The following CDH18 variants were observed in gnomAD, a reference collection of about 807,000 sequenced individuals.
The protein encoded by CDH18 is cadherin 18, also known as cadherin-18.
Under a neutral mutation model 67.9 loss-of-function variants are expected in CDH18, and 31 were observed. That is an observed-to-expected ratio of 0.46 (90% CI 0.34 to 0.62). CDH18 has a LOEUF of 0.62. Ranked by LOEUF, CDH18 falls within the 20% of genes least tolerant of loss-of-function variation. The pLI, the probability that CDH18 is intolerant of heterozygous loss-of-function variation, is 0.01. For synonymous variants in CDH18, 362 were observed against 347.2 expected, an observed-to-expected ratio of 1.04 and a Z score of -0.48; for missense variants, 890 against 975.5, an observed-to-expected ratio of 0.91 and a Z score of 1.17.
intron 1 of CDH18, among the ~76,000 whole-genome samples, chr5:20,500,800 T>C (rs1344848501): frequency 6.6e-6 from 1 of 152,166 alleles, no homozygotes; most frequent in African/African-American, 2.4e-5. Flanking sequence ...TCCAAGGACA[T>C]CCATATAGTA....
intron 2 of CDH18, among the ~76,000 whole-genome samples, chr5:20,015,632 T>C (rs1412133421): frequency 6.6e-6 from 1 of 152,144 alleles, no homozygotes. Flanking sequence ...CACAAATCAG[T>C]TACAATTCTG....
chr5:19,531,741 G>C (rs144659636), intron 9 of CDH18, among the ~76,000 whole-genome samples: 2,938 of 152,178 alleles, frequency 0.019, 76 homozygotes, highest in African/African-American at 0.066. Context: ...AGACCAGTCT[G>C]GCCAACATGG....
rs1579462520 is a variant in CDH18 at position 19,893,233 on chromosome 5, T to C, written c.-256-53991A>G. On this transcript the variant is annotated intron_variant, in intron 2 of 12. Coordinates refer to ENST00000382275, the MANE Select transcript of CDH18 (RefSeq NM_004934.5). Reference sequence around the variant, plus strand: ...TATTGTTTGTAAGCTAGCTAATTCATGGCCTTTTGCTATAGCAGCCTGATT... The same window carrying C: ...TATTGTTTGTAAGCTAGCTAATTCACGGCCTTTTGCTATAGCAGCCTGATT... Among the ~76,000 whole-genome samples, 4 of 152,314 alleles carry C rather than the reference T, an allele frequency of 2.6e-5. No homozygotes were observed. The South Asian group carries it at 6.2e-4, about 24-fold the overall frequency.
At chr5:19,911,869 T>C (rs1269200928) in intron 2 of CDH18, among the ~76,000 whole-genome samples, 1 of 152,236 alleles carries the variant, frequency 6.6e-6, no homozygotes, top group Non-Finnish European at 1.5e-5. Flanking sequence ...TTAGATAACT[T>C]GCTTGAGCTT....
At chr5:19,981,891 C>T (rs1799079685) in intron 1 of CDH18, among the ~76,000 whole-genome samples, 1 of 152,134 alleles carries the variant, frequency 6.6e-6, no homozygotes, top group East Asian at 1.9e-4. Context: ...TATCTCTTGA[C>T]AATTTTTTTC....
intron 7 of CDH18, among the ~76,000 whole-genome samples, chr5:19,586,895 C>T (rs1744243398): frequency 6.6e-6 from 1 of 152,082 alleles, no homozygotes; most frequent in Admixed American, 6.6e-5. Context: ...TTAATAAAAG[C>T]CATTCTGACT....
At position 20,409,879 on chromosome 5, in the gene CDH18, C is replaced by T. The variant is rs540239771; in HGVS notation, c.-579-154374G>A. Among the ~76,000 whole-genome samples, 4 of 151,554 alleles carry T rather than the reference C, an allele frequency of 2.6e-5. No individual in the cohort carries two copies. In the South Asian group the frequency reaches 8.3e-4, roughly 31 times the overall value. ...TATAAACACTTGTATGCTAAGAAAC[C>T]AGGTAAACTAGAAGAAACATATAAA... On this transcript the variant is annotated intron_variant, in intron 1 of 14. Coordinates refer to the CDH18 transcript ENST00000507958.
At chr5:20,132,795 T>C (rs1749378623) in intron 2 of CDH18, among the ~76,000 whole-genome samples, 2 of 152,336 alleles carry the variant, frequency 1.3e-5, no homozygotes, top group South Asian at 4.1e-4. Context: ...ATTTCACTTC[T>C]TGATATGCAA....
chr5:20,124,311 G>A (rs1037838137), intron 2 of CDH18, among the ~76,000 whole-genome samples: 2 of 152,166 alleles, frequency 1.3e-5, no homozygotes, highest in African/African-American at 2.4e-5. Flanking sequence ...TCTTCAAGAT[G>A]TCTGTTTGTG....
At chr5:19,515,797 CA>C (rs1197978361) in intron 10 of CDH18, among the ~76,000 whole-genome samples, 2 of 152,136 alleles carry the variant, frequency 1.3e-5, no homozygotes, top group African/African-American at 4.8e-5. Flanking sequence ...CATCTGCAAA[CA>C]GGGACAATTT....
At chr5:19,604,455 A>G (rs1360395453) in intron 6 of CDH18, among the ~76,000 whole-genome samples, 3 of 151,900 alleles carry the variant, frequency 2.0e-5, no homozygotes, top group Non-Finnish European at 4.4e-5. Context: ...AAAATTAACC[A>G]GACAGTTTTT....
At chr5:20,200,394 T>C (rs539807173) in intron 2 of CDH18, among the ~76,000 whole-genome samples, 1 of 152,162 alleles carries the variant, frequency 6.6e-6, no homozygotes, top group South Asian at 2.1e-4. Context: ...CAAGTCTTGG[T>C]TGGGTGTCGT....
chr5:19,560,564 A>T (rs1161364300), intron 8 of CDH18, among the ~76,000 whole-genome samples: 2 of 152,178 alleles, frequency 1.3e-5, no homozygotes, highest in African/African-American at 4.8e-5. Context: ...AATTTCTAGA[A>T]GATAACATTG....
chr5:20,242,258 T>C (rs1037701557), intron 2 of CDH18, among the ~76,000 whole-genome samples: 3 of 152,068 alleles, frequency 2.0e-5, no homozygotes, highest in African/African-American at 7.2e-5. Flanking sequence ...AACAAACTTA[T>C]CACCTAACGT....
At chr5:19,734,576 T>A (rs954162270) in intron 4 of CDH18, among the ~76,000 whole-genome samples, 6 of 152,192 alleles carry the variant, frequency 3.9e-5, no homozygotes, top group Non-Finnish European at 5.9e-5. Flanking sequence ...AAAAAAAGAC[T>A]CTTCCTTGTT....
chr5:20,371,013 G>C (rs1465219510), intron 1 of CDH18, among the ~76,000 whole-genome samples: 2 of 149,882 alleles, frequency 1.3e-5, no homozygotes, highest in Admixed American at 1.3e-4. Context: ...CTCCACCCTG[G>C]GCGACAGGGC....
At chr5:19,737,760 C>A (rs1321951550) in intron 4 of CDH18, among the ~76,000 whole-genome samples, 7 of 152,078 alleles carry the variant, frequency 4.6e-5, no homozygotes, top group African/African-American at 1.2e-4. Flanking sequence ...TGCTTAAAAT[C>A]TTTTTCAACT....
chr5:19,896,841 A>G (rs1789395931), intron 2 of CDH18, among the ~76,000 whole-genome samples: 1 of 152,188 alleles, frequency 6.6e-6, no homozygotes, highest in African/African-American at 2.4e-5. Context: ...TTATAACTTT[A>G]CAAGATAGAA....
intron 2 of CDH18, among the ~76,000 whole-genome samples, chr5:19,918,093 T>A (rs1032604439): frequency 4.6e-5 from 7 of 152,180 alleles, no homozygotes; most frequent in African/African-American, 1.7e-4. Context: ...TGTTTTAGTA[T>A]CTCAGGTGAT....
Sources: allele counts gnomAD v4.1 joint callset (sites outside exome capture counted in the v4.1 genomes callset), GRCh38; gene constraint gnomAD v4.1.1; transcripts MANE v1.5; gene names NCBI Gene and HGNC (gene_info 2026-07-23, HGNC 2026-07-21).